The following GAS2 variants were observed in gnomAD, a reference collection of about 807,000 sequenced individuals.
The protein encoded by GAS2 is growth arrest-specific protein 2.
GAS2 carries 20 observed loss-of-function variants against 37.5 expected under a neutral mutation model. The ratio of observed to expected loss-of-function variants is 0.53; its 90% confidence interval spans 0.37 to 0.77. The LOEUF is 0.77. GAS2 is among the 30% of genes least tolerant of loss of function. GAS2 has a pLI of 0.00. For synonymous variants in GAS2, 144 were observed against 132.2 expected (o/e 1.09, Z -0.61); for missense variants, 336 against 373.4 (o/e 0.90, Z 0.82).
chr11:22,709,372 A>G (rs1851283834), intron 3 of GAS2, among the ~76,000 whole-genome samples: 1 of 152,180 alleles, frequency 6.6e-6, no homozygotes, highest in Non-Finnish European at 1.5e-5. Flanking sequence ...TTCTTTGTAA[A>G]TGTAATTGAA....
At chr11:22,740,864 T>C (rs1853036709) in intron 5 of GAS2, among the ~76,000 whole-genome samples, 1 of 152,152 alleles carries the variant, frequency 6.6e-6, no homozygotes, top group Non-Finnish European at 1.5e-5. Context: ...GAACTAGAAG[T>C]GATTTTGGGA....
At chr11:22,793,292 T>TA (rs1385166804) in intron 7 of GAS2, among the ~76,000 whole-genome samples, 3 of 151,898 alleles carry the variant, frequency 2.0e-5, no homozygotes, top group Non-Finnish European at 4.4e-5. Context: ...ATAAATAAAT[T>TA]AAAAATTAAA....
chr11:22,631,524 T>C (rs1419170299), intron 1 of GAS2, among the ~76,000 whole-genome samples: 2 of 152,108 alleles, frequency 1.3e-5, no homozygotes, highest in Non-Finnish European at 2.9e-5. Flanking sequence ...GAGGTTTATG[T>C]CATAAAGGGA....
intron 3 of GAS2, among the ~76,000 whole-genome samples, chr11:22,699,800 C>T (rs1850737316): frequency 6.6e-6 from 1 of 152,102 alleles, no homozygotes; most frequent in Non-Finnish European, 1.5e-5. Context: ...TATGGGTGCT[C>T]ATTAACATTT....
chr11:22,782,958 T>A (rs1410793489), intron 7 of GAS2, among the ~76,000 whole-genome samples: 1 of 152,120 alleles, frequency 6.6e-6, no homozygotes, highest in East Asian at 1.9e-4. Flanking sequence ...TTTAGGTACA[T>A]ACCCAGTCTT....
At chr11:22,658,844 A>G (rs1345732868) in intron 1 of GAS2, among the ~76,000 whole-genome samples, 2 of 152,216 alleles carry the variant, frequency 1.3e-5, no homozygotes, top group Non-Finnish European at 2.9e-5. Context: ...TTGGATCATA[A>G]TCCTGAAAGA....
rs542077985 is a variant in GAS2 at position 22,709,299 on chromosome 11, G to A, written c.268-16993G>A. Among the ~76,000 whole-genome samples the A allele has an allele frequency of 9.9e-5, 15 of 151,790 alleles. No individual in the cohort carries two copies. In the South Asian group the frequency reaches 3.1e-3, roughly 32 times the overall value. On this transcript the variant is annotated intron_variant, in intron 3 of 7. Transcript: ENST00000454584. ...AATGTTTATTTTTTCCTGTGTATAT[G>A]TTGGCTTACTACAGTAATTACAGAT...
chr11:22,671,810 G>T (rs1330129036), intron 1 of GAS2, among the ~76,000 whole-genome samples: 1 of 152,040 alleles, frequency 6.6e-6, no homozygotes, highest in Non-Finnish European at 1.5e-5. Context: ...AATCATTTTA[G>T]TTGGAAACTA....
rs140605869 is a variant in GAS2, at chr11:22,779,493, A to G, written c.723+23540A>G. ...CAGGCACATCACTTGAGGTCAGGAG[A>G]TCCAGACCAGTCTGGCCAACATGGT... On this transcript the variant is annotated intron_variant, in intron 7 of 7. Coordinates refer to ENST00000454584, the MANE Select transcript of GAS2 (RefSeq NM_001143830.3). Among the ~76,000 whole-genome samples the G allele has an allele frequency of 5.1e-3, 774 of 152,168 alleles. 10 individuals are homozygous for G. The highest frequency in any genetic ancestry group is 0.018 in the African/African-American group (732 of 41,520).
In GAS2 at chr11:22,737,731, T is replaced by A. The variant is rs1357407900; in HGVS notation, c.436T>A (p.Cys146Ser). Residue 146 changes from cysteine to serine, a missense_variant, in exon 5 of 8, where the codon TGT becomes AGT. Cys to Ser is a moderately radical substitution (Grantham distance 112). Coordinates refer to ENST00000454584, the MANE Select transcript of GAS2 (RefSeq NM_001143830.3). Reference sequence around the variant, plus strand: ...CCTCCACAAGCAACCCAGAGAAGTGTGTCTCTGTCTGCTAGAGCTTGGCCG... The same window carrying A: ...CCTCCACAAGCAACCCAGAGAAGTGAGTCTCTGTCTGCTAGAGCTTGGCCG... ...LVLHKQPREVCLCLLELGRIA... is the reference protein window; with the variant it reads ...LVLHKQPREVSLCLLELGRIA... 1 of 1,614,134 alleles carries A rather than the reference T, an allele frequency of 6.2e-7. No individual in the cohort carries two copies.
intron 5 of GAS2, among the ~76,000 whole-genome samples, chr11:22,743,717 A>G (rs1444747232): frequency 6.6e-6 from 1 of 152,008 alleles, no homozygotes; most frequent in African/African-American, 2.4e-5. Context: ...GTGAAATTTT[A>G]GAAGTAGGTT....
At chr11:22,671,295 TGGATTC>T (rs1436452357) in intron 1 of GAS2, among the ~76,000 whole-genome samples, 1 of 152,120 alleles carries the variant, frequency 6.6e-6, no homozygotes. Flanking sequence ...TTTATTTTTC[TGGATTC>T]CTAGACCTAA....
intron 1 of GAS2, among the ~76,000 whole-genome samples, chr11:22,637,404 TATAC>T: frequency 2.6e-5 from 2 of 76,562 alleles, no homozygotes; most frequent in African/African-American, 8.7e-5. Flanking sequence ...ATATTAATAG[TATAC>T]TTAATATAAT....
intron 3 of GAS2, among the ~76,000 whole-genome samples, chr11:22,712,203 T>C (rs1851440468): frequency 6.6e-6 from 1 of 152,222 alleles, no homozygotes; most frequent in South Asian, 2.1e-4. Flanking sequence ...GTCCTGAATC[T>C]GTCCACATGA....
intron 4 of GAS2, among the ~76,000 whole-genome samples, chr11:22,728,410 C>T (rs896200334): frequency 6.6e-6 from 1 of 151,526 alleles, no homozygotes; most frequent in Non-Finnish European, 1.5e-5. Flanking sequence ...TATAATGACC[C>T]TGGTATATAA....
At chr11:22,664,084 G>T (rs1356045722), upstream of GAS2, among the ~76,000 whole-genome samples, 1 of 151,994 alleles carries the variant, frequency 6.6e-6, no homozygotes, top group Non-Finnish European at 1.5e-5. Context: ...GCTGTCTTTT[G>T]TCATTTTTAA....
intron 3 of GAS2, among the ~76,000 whole-genome samples, chr11:22,713,064 CAA>C (rs61240215): frequency 0.011 from 1,231 of 112,006 alleles, 16 homozygotes; most frequent in African/African-American, 0.032. Flanking sequence ...GAGACTGTGT[CAA>C]AAAAAAAAAA....
At chr11:22,696,825 T>G (rs1402073062) in intron 3 of GAS2, among the ~76,000 whole-genome samples, 6 of 151,330 alleles carry the variant, frequency 4.0e-5, no homozygotes, top group South Asian at 2.1e-4. Context: ...TTGAGTTCAT[T>G]GTAGATTCTG....
In GAS2 at chr11:22,703,832, G is replaced by A. The variant is rs143481645; in HGVS notation, c.267+18043G>A. ...AAACACATTACATATCATGCATGAA[G>A]CCTGAAGCCTTCTAGTATGTGTTTT... On this transcript the variant is annotated intron_variant, in intron 3 of 7. Transcript: ENST00000454584. 3.9e-5 allele frequency among the ~76,000 whole-genome samples: 6 copies of A among 152,234 alleles called. No individual in the cohort carries two copies. The East Asian group carries it at 1.2e-3, about 29-fold the overall frequency.
Sources: allele counts gnomAD v4.1 joint callset (sites outside exome capture counted in the v4.1 genomes callset), GRCh38; gene constraint gnomAD v4.1.1; transcripts MANE v1.5; gene names NCBI Gene and HGNC (gene_info 2026-07-23, HGNC 2026-07-21).